The following FOXP2 variants were observed in gnomAD, a reference collection of about 807,000 sequenced individuals.
The protein encoded by FOXP2 is forkhead box protein P2.
FOXP2 carries 12 observed loss-of-function variants against 115.8 expected under a neutral mutation model. That is an observed-to-expected ratio of 0.10 (90% CI 0.07 to 0.17). FOXP2 has a LOEUF of 0.17. FOXP2 is among the 10% of genes least tolerant of loss of function. The pLI is 1.00. For missense variants in FOXP2, 629 were observed against 843.5 expected, an observed-to-expected ratio of 0.75 and a Z score of 3.15; for synonymous variants, 328 against 297.7, an observed-to-expected ratio of 1.10 and a Z score of -1.05.
Position 114,662,049 on chromosome 7 carries a change from C to A in FOXP2, c.1648-16C>A. On this transcript the variant is annotated splice_polypyrimidine_tract_variant and intron_variant, in intron 13 of 16. Coordinates refer to ENST00000350908, the MANE Select transcript of FOXP2 (RefSeq NM_014491.4). Reference sequence around the variant, plus strand: ...TATTATTTTTGCCATTTTTTCTTCTCTTCTGTCTGCTTTAGAATGCAGTAC... The same window carrying A: ...TATTATTTTTGCCATTTTTTCTTCTATTCTGTCTGCTTTAGAATGCAGTAC... 6.2e-7 allele frequency: 1 copy of A among 1,612,098 alleles called. No individual in the cohort carries two copies. Among genetic ancestry groups the A allele is most frequent in the South Asian group, 1.1e-5 (1 of 91,028 alleles).
At chr7:114,232,770 G>C (rs933909310) in intron 1 of FOXP2, among the ~76,000 whole-genome samples, 1 of 150,764 alleles carries the variant, frequency 6.6e-6, no homozygotes, top group African/African-American at 2.5e-5. Context: ...CCGAGATCAT[G>C]CCATTGCGCT....
chr7:114,673,583 T>A (rs1276314934), intron 16 of FOXP2, among the ~76,000 whole-genome samples: 1 of 152,234 alleles, frequency 6.6e-6, no homozygotes, highest in East Asian at 1.9e-4. Flanking sequence ...TTCAATATAA[T>A]GTTGAAGGTA....
At chr7:114,642,675 C>T (rs781350889) in intron 7 of FOXP2, 52 bp downstream of exon 7, 1 of 1,524,238 alleles carries the variant, frequency 6.6e-7, no homozygotes, top group South Asian at 1.1e-5. Context: ...ATTTTATTTT[C>T]ACCATTGAGA....
chr7:114,684,351 A>G (rs897551444), intron 16 of FOXP2, among the ~76,000 whole-genome samples: 1 of 152,124 alleles, frequency 6.6e-6, no homozygotes, highest in Non-Finnish European at 1.5e-5. Flanking sequence ...GAGGAGGGGG[A>G]CCTCCGAGGT....
chr7:114,105,833 G>C (rs927159521), intron 1 of FOXP2, among the ~76,000 whole-genome samples: 1 of 152,054 alleles, frequency 6.6e-6, no homozygotes, highest in Non-Finnish European at 1.5e-5. Context: ...CTAAGGTTAT[G>C]TGGCTGGTAA....
chr7:114,323,859 T>C (rs1797489153), intron 2 of FOXP2, among the ~76,000 whole-genome samples: 1 of 151,974 alleles, frequency 6.6e-6, no homozygotes, highest in African/African-American at 2.4e-5. Flanking sequence ...AACTAAAATG[T>C]AGAGACCAAA....
At chr7:114,297,322 G>T in intron 2 of FOXP2, 1 of 580,058 alleles carries the variant, frequency 1.7e-6, no homozygotes, top group Non-Finnish European at 3.3e-6. Context: ...AACTTGGTGT[G>T]CTTGGTCAGG....
intron 1 of FOXP2, among the ~76,000 whole-genome samples, chr7:114,133,076 G>A (rs1791934685): frequency 6.6e-6 from 1 of 152,158 alleles, no homozygotes; most frequent in African/African-American, 2.4e-5. Flanking sequence ...TTAAACAAGA[G>A]TAGTAATAGT....
At chr7:114,318,884 T>A (rs890236706) in intron 2 of FOXP2, among the ~76,000 whole-genome samples, 1 of 152,122 alleles carries the variant, frequency 6.6e-6, no homozygotes, top group South Asian at 2.1e-4. Context: ...TCTGAAAATA[T>A]CTGTAAATAA....
At chr7:114,313,397 G>A (rs1250261532) in intron 2 of FOXP2, among the ~76,000 whole-genome samples, 1 of 152,164 alleles carries the variant, frequency 6.6e-6, no homozygotes, top group Non-Finnish European at 1.5e-5. Context: ...AGATGCCACA[G>A]AATATAATCT....
At chr7:114,656,554 T>C (rs1377696204) in intron 10 of FOXP2, 1 of 438,922 alleles carries the variant, frequency 2.3e-6, no homozygotes, top group Non-Finnish European at 4.5e-6. Context: ...GTAAATGTAT[T>C]AAATGCAGCA....
chr7:114,110,621 G>C (rs1791244506), intron 1 of FOXP2, among the ~76,000 whole-genome samples: 1 of 151,956 alleles, frequency 6.6e-6, no homozygotes, highest in African/African-American at 2.4e-5. Context: ...AGAAGATAAT[G>C]GTTCTTTTTC....
intron 2 of FOXP2, among the ~76,000 whole-genome samples, chr7:114,521,567 G>A (rs993786745): frequency 3.4e-5 from 5 of 147,844 alleles, no homozygotes; most frequent in African/African-American, 7.5e-5. Context: ...TAGGGGTGCC[G>A]TTTAGAGAAT....
At chr7:114,564,414 G>C (rs1377682606) in intron 3 of FOXP2, among the ~76,000 whole-genome samples, 2 of 151,862 alleles carry the variant, frequency 1.3e-5, no homozygotes, top group African/African-American at 4.8e-5. Context: ...GAATTCAGGA[G>C]GTTTATGAAC....
At chr7:114,347,464 T>G (rs971628335) in intron 2 of FOXP2, among the ~76,000 whole-genome samples, 3 of 151,998 alleles carry the variant, frequency 2.0e-5, no homozygotes, top group African/African-American at 7.2e-5. Context: ...CATTGATTGA[T>G]CAGTAGTTAA....
At chr7:114,471,664 T>A (rs1205569097) in intron 2 of FOXP2, among the ~76,000 whole-genome samples, 1 of 152,034 alleles carries the variant, frequency 6.6e-6, no homozygotes, top group Non-Finnish European at 1.5e-5. Flanking sequence ...ACTTATTTTA[T>A]TCCAGCCAGG....
chr7:114,274,403 C>T (rs1340785873), intron 1 of FOXP2, among the ~76,000 whole-genome samples: 1 of 151,996 alleles, frequency 6.6e-6, no homozygotes, highest in Non-Finnish European at 1.5e-5. Context: ...CTATTATCCT[C>T]TTCCTTTCTT....
intron 2 of FOXP2, among the ~76,000 whole-genome samples, chr7:114,523,538 G>A (rs1397588815): frequency 6.6e-6 from 1 of 152,102 alleles, no homozygotes; most frequent in Non-Finnish European, 1.5e-5. Flanking sequence ...TTGTCTTGGG[G>A]TTTCTGGCTA....
At chr7:114,308,960 C>A (rs1365523574) in intron 2 of FOXP2, among the ~76,000 whole-genome samples, 1 of 152,160 alleles carries the variant, frequency 6.6e-6, no homozygotes, top group African/African-American at 2.4e-5. Flanking sequence ...GGAGTCAATG[C>A]TGTTGAGAGG....
Sources: allele counts gnomAD v4.1 joint callset (sites outside exome capture counted in the v4.1 genomes callset), GRCh38; gene constraint gnomAD v4.1.1; transcripts MANE v1.5; gene names NCBI Gene and HGNC (gene_info 2026-07-23, HGNC 2026-07-21).